Variants in RAP1GAP2 observed in about 807,000 individuals in gnomAD.
The protein encoded by RAP1GAP2 is rap1 GTPase-activating protein 2.
RAP1GAP2 carries 27 observed loss-of-function variants against 95.0 expected under a neutral mutation model. The observed-to-expected ratio is 0.28, with a 90% CI of 0.21 to 0.39. The LOEUF is 0.39. Ranked by LOEUF, RAP1GAP2 falls within the 10% of genes least tolerant of loss-of-function variation. RAP1GAP2 has a pLI of 1.00. For missense variants in RAP1GAP2, 771 were observed against 970.0 expected, an observed-to-expected ratio of 0.79 and a Z score of 2.72; for synonymous variants, 373 against 380.9, an observed-to-expected ratio of 0.98 and a Z score of 0.24.
rs369143678 is a variant in RAP1GAP2 at position 2,901,875 on chromosome 17, C to G, written c.81-3409C>G. The stretch of plus-strand genomic sequence containing the variant: ...CAGAGCAGGGGTGGTGAGGCAGAAG[C>G]AGGATTTCATCTTCACTGTTTTTGG... On this transcript the variant is annotated intron_variant, in intron 2 of 24. Coordinates refer to ENST00000254695, the MANE Select transcript of RAP1GAP2 (RefSeq NM_015085.5). Among the ~76,000 whole-genome samples, 9 of 152,192 alleles carry G rather than the reference C, an allele frequency of 5.9e-5. No individual in the cohort carries two copies. The East Asian group carries it at 1.2e-3, about 20-fold the overall frequency.
At chr17:2,773,059 T>G (rs1249768677), upstream of RAP1GAP2, among the ~76,000 whole-genome samples, 3 of 152,016 alleles carry the variant, frequency 2.0e-5, no homozygotes, top group East Asian at 5.8e-4. Context: ...GGTTTCACTA[T>G]GTTGGCTAGG....
intron 2 of RAP1GAP2, among the ~76,000 whole-genome samples, chr17:2,851,644 TTG>T (rs1289970793): frequency 6.6e-6 from 1 of 152,192 alleles, no homozygotes; most frequent in East Asian, 1.9e-4. Context: ...GACACTGGGC[TTG>T]TAGAAGGACT....
chr17:3,005,447 C>A lies in RAP1GAP2; in HGVS notation c.1272+7C>A. On this transcript the variant is annotated splice_region_variant and intron_variant, in intron 15 of 24. Coordinates refer to ENST00000254695, the MANE Select transcript of RAP1GAP2 (RefSeq NM_015085.5). The surrounding 1 kb of genome is among the most constrained non-coding windows in gnomAD (Gnocchi z 5.2). ...TCCCCCCGTTTTCCAGAAGGTAGGA[C>A]ACTCTTCCTTCTGCCCCTCTCGCAT... is the stretch of plus-strand genomic sequence containing the variant. The A allele has an allele frequency of 6.2e-7, 1 of 1,609,304 alleles. No homozygotes were observed. The highest frequency in any genetic ancestry group is 8.5e-7 in the Non-Finnish European group (1 of 1,175,616).
At position 3,020,424 on chromosome 17, in the gene RAP1GAP2, T is replaced by C. The variant is rs1233963378; in HGVS notation, c.1633-53T>C. 1.1e-5 allele frequency: 16 copies of C among 1,415,236 alleles called. No homozygotes were observed. The Admixed American group carries it at 2.9e-4, about 26-fold the overall frequency. The allele number at this position is 1,415,236 out of a possible 1,614,324, so 87.7% of individuals were successfully genotyped here. On this transcript the variant is annotated intron_variant, in intron 18 of 24. Transcript: ENST00000254695. The stretch of plus-strand genomic sequence containing the variant: ...TAGACCAGGGAGGAGGATGAGGGGA[T>C]AGGAGATCGGTGTTTGGGCCGGGAG...
intron 8 of RAP1GAP2, among the ~76,000 whole-genome samples, chr17:2,972,252 T>C: frequency 6.6e-6 from 1 of 152,252 alleles, no homozygotes; most frequent in Non-Finnish European, 1.5e-5. Flanking sequence ...TTTTAAACTT[T>C]AAAGGAGCAG....
chr17:2,969,022 C>T (rs1056747257), intron 8 of RAP1GAP2, among the ~76,000 whole-genome samples: 5 of 151,780 alleles, frequency 3.3e-5, no homozygotes, highest in Non-Finnish European at 7.4e-5. Context: ...TGTATATGTA[C>T]ACATGTATGT....
At chr17:2,811,415 G>A (rs6502524) in intron 2 of RAP1GAP2, among the ~76,000 whole-genome samples, 115,864 of 152,170 alleles carry the variant, frequency 0.76, 44,892 homozygotes, top group African/African-American at 0.91. Context: ...CGTCTGTGAC[G>A]TGCTGGCCCC....
chr17:2,838,001 G>A (rs996776145), intron 2 of RAP1GAP2, among the ~76,000 whole-genome samples: 5 of 133,332 alleles, frequency 3.8e-5, no homozygotes, highest in South Asian at 2.4e-4. Flanking sequence ...TGATGTTCAT[G>A]TTCTTTCTTT....
chr17:2,836,619 G>A (rs948987229), intron 2 of RAP1GAP2, among the ~76,000 whole-genome samples: 8 of 150,718 alleles, frequency 5.3e-5, no homozygotes, highest in Non-Finnish European at 1.0e-4. Context: ...GTGATACAGC[G>A]AGACTCAGTC....
chr17:2,822,637 T>TTG lies in RAP1GAP2; in HGVS notation c.80+22088_80+22089insGT, dbSNP rs974921745. Among the ~76,000 whole-genome samples, 53 of 135,272 alleles carry TTG rather than the reference T, an allele frequency of 3.9e-4. No homozygotes were observed. The South Asian group carries it at 7.7e-3, about 20-fold the overall frequency. 88.7% of individuals were successfully genotyped at this position (135,272 alleles called of 152,430 possible). On this transcript the variant is annotated intron_variant, in intron 2 of 24. Coordinates refer to ENST00000254695, the MANE Select transcript of RAP1GAP2 (RefSeq NM_015085.5). ...ACCCTGTTTTTTTTTGTTTTTTTTT[T>TTG]TTTTTTTTTTTTTAAGAAAAGGTGG...
intron 12 of RAP1GAP2, among the ~76,000 whole-genome samples, chr17:2,993,603 A>G (rs1207914546): frequency 6.6e-6 from 1 of 151,848 alleles, no homozygotes; most frequent in South Asian, 2.1e-4. Context: ...TAAATAAAAA[A>G]TAAAAGATAA....
chr17:2,928,321 T>C (rs2043032715), intron 3 of RAP1GAP2, among the ~76,000 whole-genome samples: 1 of 152,184 alleles, frequency 6.6e-6, no homozygotes, highest in African/African-American at 2.4e-5. Context: ...ACATTGATAA[T>C]GACACCTAAT....
At chr17:2,832,875 G>GA (rs2070951635) in intron 2 of RAP1GAP2, among the ~76,000 whole-genome samples, 1 of 151,266 alleles carries the variant, frequency 6.6e-6, no homozygotes, top group Non-Finnish European at 1.5e-5. Context: ...ACTCGGTGGG[G>GA]GGCTGAGGCA....
At chr17:3,009,085 C>T (rs1257464135) in intron 17 of RAP1GAP2, among the ~76,000 whole-genome samples, 2 of 152,122 alleles carry the variant, frequency 1.3e-5, no homozygotes, top group African/African-American at 2.4e-5. Flanking sequence ...TGTAGGGCTA[C>T]ACCCACCTCT....
intron 2 of RAP1GAP2, among the ~76,000 whole-genome samples, chr17:2,869,507 G>A (rs968493757): frequency 3.9e-5 from 6 of 152,094 alleles, no homozygotes; most frequent in African/African-American, 1.4e-4. Context: ...GCGTTCCTCT[G>A]GTTGAAGATG....
rs752583389 is a variant in RAP1GAP2, at chr17:2,827,040, GAGAA to G, written c.80+26502_80+26505del. Among the ~76,000 whole-genome samples, 33 of 152,046 alleles carry G rather than the reference GAGAA, an allele frequency of 2.2e-4. No individual in the cohort carries two copies. Among genetic ancestry groups the G allele is most frequent in the Admixed American group, 6.6e-4 (10 of 15,252 alleles). On this transcript the variant is annotated intron_variant, in intron 2 of 24. Coordinates refer to ENST00000254695, the MANE Select transcript of RAP1GAP2 (RefSeq NM_015085.5). The surrounding 1 kb of genome is among the most constrained non-coding windows in gnomAD (Gnocchi z 4.1). ...GAGGAGAGAAAGAAAGAAAGAGAGAGAGAAAGAAAGAAAGAGAAAGTCCCATGGA... is the reference window on the plus strand; with the variant it reads ...GAGGAGAGAAAGAAAGAAAGAGAGAGAGAAAGAAAGAGAAAGTCCCATGGA...
In RAP1GAP2 at chr17:2,963,782, G is replaced by T. The variant is rs2044454012; in HGVS notation, c.280-74G>T. ...AGGCCCCACTCCTGGGAGCAGCGCAGAGGGGACACCGCCACCGGCCCCCTC... is the reference window on the plus strand; with the variant it reads ...AGGCCCCACTCCTGGGAGCAGCGCATAGGGGACACCGCCACCGGCCCCCTC... On this transcript the variant is annotated intron_variant, in intron 6 of 24. Transcript: ENST00000254695. The surrounding 1 kb of genome is among the most constrained non-coding windows in gnomAD (Gnocchi z 4.8). 4.5e-6 allele frequency: 6 copies of T among 1,329,498 alleles called. No individual in the cohort carries two copies. In the East Asian group the frequency reaches 1.5e-4, roughly 34 times the overall value. The allele number at this position is 1,329,498 out of a possible 1,614,324, so 82.4% of individuals were successfully genotyped here. A position where few individuals can be genotyped will look rare whatever the true frequency, so the allele number is the denominator to read the frequency against.
intron 3 of RAP1GAP2, among the ~76,000 whole-genome samples, chr17:2,920,546 CCA>C (rs2042727373): frequency 6.6e-6 from 1 of 152,212 alleles, no homozygotes; most frequent in Non-Finnish European, 1.5e-5. Context: ...GATTTAGAAA[CCA>C]ACTGTGTGAC....
chr17:2,837,843 T>A (rs1230191650), intron 2 of RAP1GAP2, among the ~76,000 whole-genome samples: 1 of 151,696 alleles, frequency 6.6e-6, no homozygotes, highest in African/African-American at 2.4e-5. Flanking sequence ...CCTGACCTTG[T>A]GATCTGTCTG....
Sources: allele counts gnomAD v4.1 joint callset (sites outside exome capture counted in the v4.1 genomes callset), GRCh38; gene constraint gnomAD v4.1.1; non-coding constraint Gnocchi (gnomAD v3.1); transcripts MANE v1.5; gene names NCBI Gene and HGNC (gene_info 2026-07-23, HGNC 2026-07-21).